The following PRH1 variants were observed in gnomAD, a reference collection of about 807,000 sequenced individuals.
PRH1 encodes the protein salivary acidic proline-rich phosphoprotein 1/2.
Under a neutral mutation model 7.9 loss-of-function variants are expected in PRH1, and 7 were observed. That is an observed-to-expected ratio of 0.89 (90% CI 0.50 to 1.67). The LOEUF (loss-of-function observed/expected upper bound fraction) is 1.67, where lower values mean the gene tolerates loss of function less well. Among genes scored for constraint, PRH1 ranks in the 40% most tolerant of loss-of-function variants. PRH1 has a pLI of 0.00. For missense variants in PRH1, 109 were observed against 223.6 expected (o/e 0.49, Z 3.27); for synonymous variants, 45 against 80.8 (o/e 0.56, Z 2.38).
intron 1 of PRH1, among the ~76,000 whole-genome samples, chr12:11,059,210 T>C (rs1355049108): frequency 6.6e-6 from 1 of 152,218 alleles, no homozygotes; most frequent in African/African-American, 2.4e-5. Context: ...TTTCCCCTTG[T>C]AGCCCTTCTG....
intron 2 of PRH1, among the ~76,000 whole-genome samples, chr12:10,892,472 A>G (rs895618504): frequency 6.6e-6 from 1 of 152,008 alleles, no homozygotes; most frequent in Non-Finnish European, 1.5e-5. Context: ...ATCAGGGATG[A>G]CACTACCCTT....
intron 1 of PRH1, among the ~76,000 whole-genome samples, chr12:11,066,994 G>A (rs1455345085): frequency 6.6e-6 from 1 of 152,050 alleles, no homozygotes; most frequent in East Asian, 1.9e-4. Context: ...AATACTCTCT[G>A]CAATAATACA....
At chr12:11,103,568 T>A (rs1442167505) in intron 1 of PRH1, among the ~76,000 whole-genome samples, 1 of 151,904 alleles carries the variant, frequency 6.6e-6, no homozygotes, top group Non-Finnish European at 1.5e-5. Context: ...AGGGATAGCA[T>A]TAGGAGATAT....
chr12:10,912,886 G>T (rs1411260694), intron 2 of PRH1, among the ~76,000 whole-genome samples: 1 of 152,084 alleles, frequency 6.6e-6, no homozygotes, highest in African/African-American at 2.4e-5. Flanking sequence ...TTGGGGTGCA[G>T]TGTTTCATAC....
intron 1 of PRH1, among the ~76,000 whole-genome samples, chr12:10,976,587 G>A (rs907099543): frequency 1.3e-5 from 2 of 149,706 alleles, no homozygotes; most frequent in Non-Finnish European, 3.0e-5. Flanking sequence ...TGAAGTGAAG[G>A]AAATTGCAAT....
chr12:11,101,832 C>T (rs1460664339), intron 1 of PRH1, among the ~76,000 whole-genome samples: 5 of 152,108 alleles, frequency 3.3e-5, no homozygotes, highest in South Asian at 2.1e-4. Flanking sequence ...AGCTGATAAG[C>T]AACTTCAGCA....
At chr12:11,004,454 G>T (rs1940734606) in intron 1 of PRH1, among the ~76,000 whole-genome samples, 1 of 152,080 alleles carries the variant, frequency 6.6e-6, no homozygotes, top group African/African-American at 2.4e-5. Flanking sequence ...GCGGTGAGCT[G>T]AGATCACACC....
intron 1 of PRH1, among the ~76,000 whole-genome samples, chr12:11,127,855 C>G (rs1277305365): frequency 7.0e-6 from 1 of 143,006 alleles, no homozygotes; most frequent in Non-Finnish European, 1.6e-5. Context: ...GCCTGTAATC[C>G]CAGCATTTTG....
At chr12:11,168,044 A>G (rs61928615) in intron 1 of PRH1, among the ~76,000 whole-genome samples, 112,880 of 151,438 alleles carry the variant, frequency 0.75, 44,573 homozygotes, top group East Asian at 0.96. Context: ...CAATTATTAA[A>G]TGTGTTTCAT....
At chr12:10,899,636 T>C (rs1346427889) in intron 2 of PRH1, among the ~76,000 whole-genome samples, 1 of 152,328 alleles carries the variant, frequency 6.6e-6, no homozygotes, top group East Asian at 1.9e-4. Flanking sequence ...CACCATGGTT[T>C]GACCCAGCAC....
chr12:10,897,238 C>A (rs1318911759), intron 2 of PRH1, among the ~76,000 whole-genome samples: 1 of 152,194 alleles, frequency 6.6e-6, no homozygotes, highest in Non-Finnish European at 1.5e-5. Flanking sequence ...AGTACAGAGC[C>A]TCAGTATTAC....
intron 1 of PRH1, chr12:11,022,231 G>A (rs1354923521): frequency 3.7e-6 from 6 of 1,614,134 alleles, no homozygotes; most frequent in Middle Eastern, 1.6e-4. Flanking sequence ...AATAAGGTTG[G>A]AGAAATTGGC....
intron 1 of PRH1, among the ~76,000 whole-genome samples, chr12:11,168,267 A>G (rs1028024591): frequency 0.022 from 813 of 36,606 alleles, 214 homozygotes; most frequent in South Asian, 0.062. Context: ...AAAGAAAGAA[A>G]GAAAGAAAGA....
intron 1 of PRH1, among the ~76,000 whole-genome samples, chr12:11,059,135 A>C (rs35846189): frequency 0.29 from 44,180 of 152,034 alleles, 8,272 homozygotes; most frequent in East Asian, 0.74. Flanking sequence ...TACAGAAGAC[A>C]ACTGAGCAGA....
intron 1 of PRH1, among the ~76,000 whole-genome samples, chr12:11,011,554 T>A (rs996617151): frequency 6.6e-6 from 1 of 152,172 alleles, no homozygotes; most frequent in African/African-American, 2.4e-5. Flanking sequence ...CCATAATTTG[T>A]GTTCAGCAAT....
intron 1 of PRH1, among the ~76,000 whole-genome samples, chr12:11,038,515 T>C (rs1389239951): frequency 2.6e-5 from 4 of 152,266 alleles, no homozygotes; most frequent in African/African-American, 9.6e-5. Flanking sequence ...TAAATGTATT[T>C]TTCCATCTTG....
chr12:11,058,192 T>C (rs1319165101), intron 1 of PRH1, among the ~76,000 whole-genome samples: 1 of 152,188 alleles, frequency 6.6e-6, no homozygotes, highest in Non-Finnish European at 1.5e-5. Flanking sequence ...GCTATGATCC[T>C]GCCACTGCAC....
At chr12:11,077,876 T>C (rs1340443736) in intron 1 of PRH1, 2 of 985,478 alleles carry the variant, frequency 2.0e-6, no homozygotes, top group African/African-American at 1.6e-5. Flanking sequence ...CTAATTCTCT[T>C]CTTTAGGTGG....
intron 1 of PRH1, chr12:11,030,467 A>G: frequency 6.5e-7 from 1 of 1,538,988 alleles, no homozygotes; most frequent in Non-Finnish European, 8.8e-7. Flanking sequence ...AACTGAAAGA[A>G]AAGTCTGCTT....
Sources: gnomAD v4.1 joint callset for allele counts (sites outside exome capture counted in the v4.1 genomes callset) on GRCh38, gnomAD v4.1.1 for gene constraint, MANE v1.5 for transcripts, NCBI Gene and HGNC (gene_info 2026-07-23, HGNC 2026-07-21) for gene names.